Variants in GRIP1 observed in about 807,000 individuals in gnomAD.
GRIP1 encodes the protein glutamate receptor interacting protein 1.
In GRIP1, 45 loss-of-function variants were observed where a neutral mutation model predicts 129.9. The observed-to-expected ratio is 0.35, with a 90% CI of 0.27 to 0.44. The LOEUF is 0.44. Ranked by LOEUF, GRIP1 falls within the 20% of genes least tolerant of loss-of-function variation. The probability of loss-of-function intolerance (pLI) is 1.00; values close to 1 mark genes in which losing one functional copy is unlikely to be tolerated. For missense variants in GRIP1, 1,196 were observed against 1,396.8 expected (o/e 0.86, Z 2.29); for synonymous variants, 530 against 520.8 (o/e 1.02, Z -0.24).
intron 1 of GRIP1, among the ~76,000 whole-genome samples, chr12:66,705,981 C>T (rs147918890): frequency 8.0e-4 from 121 of 152,040 alleles, no homozygotes; most frequent in African/African-American, 2.6e-3. Flanking sequence ...ATACCAATCA[C>T]GACACAGGCA....
chr12:66,349,939 A>C (rs998932787), intron 24 of GRIP1, among the ~76,000 whole-genome samples: 1 of 151,682 alleles, frequency 6.6e-6, no homozygotes, highest in East Asian at 2.0e-4. Context: ...TGCCGGTTCT[A>C]CTCCTTGATC....
At chr12:66,559,638 A>G (rs1252728578) in intron 2 of GRIP1, among the ~76,000 whole-genome samples, 5 of 152,130 alleles carry the variant, frequency 3.3e-5, no homozygotes, top group African/African-American at 1.2e-4. Flanking sequence ...CTTTACAATG[A>G]AAACTTTAAA....
chr12:66,927,524 G>A (rs888994219), intron 1 of GRIP1, among the ~76,000 whole-genome samples: 8 of 152,132 alleles, frequency 5.3e-5, no homozygotes, highest in African/African-American at 1.9e-4. Flanking sequence ...TAGGAACACC[G>A]TCAATATTTT....
chr12:66,730,100 T>C (rs1313978674), intron 1 of GRIP1, among the ~76,000 whole-genome samples: 1 of 152,222 alleles, frequency 6.6e-6, no homozygotes, highest in Non-Finnish European at 1.5e-5. Context: ...GACTGACTCA[T>C]ATATAATAGC....
intron 1 of GRIP1, among the ~76,000 whole-genome samples, chr12:66,907,798 GA>G (rs1390408740): frequency 6.6e-6 from 1 of 152,108 alleles, no homozygotes; most frequent in African/African-American, 2.4e-5. Flanking sequence ...AAGTAAAACA[GA>G]AAGAGATTCC....
intron 1 of GRIP1, among the ~76,000 whole-genome samples, chr12:66,966,569 C>G (rs1319550216): frequency 3.3e-5 from 5 of 152,274 alleles, no homozygotes; most frequent in African/African-American, 9.6e-5. Flanking sequence ...AAACATATTT[C>G]ATTAGCTGTC....
rs947583224 is a variant in GRIP1 at position 66,477,936 on chromosome 12, C to T, written c.725-12514G>A. 4.0e-5 allele frequency among the ~76,000 whole-genome samples: 6 copies of T among 151,584 alleles called. 1 individual carries two copies. Among genetic ancestry groups the T allele is most frequent in the Admixed American group, 2.6e-4 (4 of 15,266 alleles). On this transcript the variant is annotated intron_variant, in intron 7 of 24. Coordinates refer to ENST00000359742, the MANE Select transcript of GRIP1 (RefSeq NM_001366722.1). Reference sequence around the variant, plus strand: ...AAACCATAAAAACCCTAGAAGAAAACCTAGGCAATACCATTCAAGACATAG... The same window carrying T: ...AAACCATAAAAACCCTAGAAGAAAATCTAGGCAATACCATTCAAGACATAG...
intron 1 of GRIP1, among the ~76,000 whole-genome samples, chr12:66,887,202 A>C (rs1328262062): frequency 6.6e-6 from 1 of 152,246 alleles, no homozygotes; most frequent in Non-Finnish European, 1.5e-5. Flanking sequence ...AGTAAAACAA[A>C]TTTTAATGAA....
At chr12:66,846,618 A>G (rs2039820760) in intron 1 of GRIP1, among the ~76,000 whole-genome samples, 1 of 152,216 alleles carries the variant, frequency 6.6e-6, no homozygotes, top group African/African-American at 2.4e-5. Context: ...TCTTACCTTG[A>G]TTGTAGTGAT....
intron 7 of GRIP1, among the ~76,000 whole-genome samples, chr12:66,508,274 A>G (rs1253292143): frequency 6.6e-6 from 1 of 152,184 alleles, no homozygotes; most frequent in African/African-American, 2.4e-5. Flanking sequence ...CTATGGGTGA[A>G]CACATTGTTC....
chr12:66,911,285 T>G (rs954090961), intron 1 of GRIP1, among the ~76,000 whole-genome samples: 1 of 152,202 alleles, frequency 6.6e-6, no homozygotes, highest in African/African-American at 2.4e-5. Context: ...ATTATGCTTT[T>G]AACACTTATA....
chr12:66,678,960 T>G lies in GRIP1; in HGVS notation c.-56A>C, dbSNP rs2034467080. 6.2e-7 allele frequency: 1 copy of G among 1,610,368 alleles called. No individual in the cohort carries two copies. The highest frequency in any genetic ancestry group is 1.3e-5 in the African/African-American group (1 of 74,796). On this transcript the variant is annotated 5_prime_UTR_variant, in exon 1 of 25. Coordinates refer to ENST00000359742, the MANE Select transcript of GRIP1 (RefSeq NM_001366722.1). Reference sequence around the variant, plus strand: ...ACTCAAGGCTCTCTGCTCTGGTGGCTGCAGCAGCAGCAGCATATGAATTCC... The same window carrying G: ...ACTCAAGGCTCTCTGCTCTGGTGGCGGCAGCAGCAGCAGCATATGAATTCC...
intron 1 of GRIP1, among the ~76,000 whole-genome samples, chr12:66,766,157 C>T (rs891745440): frequency 6.6e-6 from 1 of 152,070 alleles, no homozygotes; most frequent in East Asian, 1.9e-4. Context: ...AACACTAGCC[C>T]CATGAAAAGT....
chr12:66,570,788 C>T (rs1002671775), intron 2 of GRIP1, among the ~76,000 whole-genome samples: 2 of 152,132 alleles, frequency 1.3e-5, no homozygotes, highest in Non-Finnish European at 2.9e-5. Context: ...AACTCCCTCC[C>T]CTCAAATTGT....
At chr12:66,873,454 A>C (rs2040330977) in intron 1 of GRIP1, among the ~76,000 whole-genome samples, 1 of 152,128 alleles carries the variant, frequency 6.6e-6, no homozygotes, top group Non-Finnish European at 1.5e-5. Context: ...GCAGAAGTTC[A>C]GACAGCCAGA....
At chr12:66,946,629 T>A (rs1486583724) in intron 1 of GRIP1, among the ~76,000 whole-genome samples, 1 of 151,814 alleles carries the variant, frequency 6.6e-6, no homozygotes, top group Non-Finnish European at 1.5e-5. Context: ...TGCCAGAGCT[T>A]CTGTGTCAGT....
chr12:66,664,370 A>G (rs1417528249), intron 1 of GRIP1, among the ~76,000 whole-genome samples: 2 of 152,212 alleles, frequency 1.3e-5, no homozygotes, highest in Non-Finnish European at 2.9e-5. Context: ...TTTTTGCCAC[A>G]CCATAATTAT....
chr12:66,805,445 C>T (rs1385032692), upstream of GRIP1, among the ~76,000 whole-genome samples: 1 of 152,012 alleles, frequency 6.6e-6, no homozygotes, highest in Non-Finnish European at 1.5e-5. Flanking sequence ...ACTTTTAACA[C>T]CAGGAAAAAT....
chr12:66,738,530 A>AT (rs1216072745), intron 1 of GRIP1, among the ~76,000 whole-genome samples: 5 of 151,830 alleles, frequency 3.3e-5, no homozygotes, highest in East Asian at 1.9e-4. Context: ...CACTTATTTC[A>AT]TTTTTTTTAA....
Sources: gnomAD v4.1 joint callset for allele counts (sites outside exome capture counted in the v4.1 genomes callset) on GRCh38, gnomAD v4.1.1 for gene constraint, MANE v1.5 for transcripts, NCBI Gene and HGNC (gene_info 2026-07-23, HGNC 2026-07-21) for gene names.